TBC1D8: variants seen among roughly 807,000 people sequenced by gnomAD.
TBC1D8 encodes TBC1 domain family member 8, also known as BUB2-like protein 1.
Under a neutral mutation model 118.8 loss-of-function variants are expected in TBC1D8, and 65 were observed. That is an observed-to-expected ratio of 0.55 (90% CI 0.45 to 0.67). The LOEUF is 0.67. TBC1D8 is among the 30% of genes least tolerant of loss of function. TBC1D8 has a pLI of 0.00. For missense variants in TBC1D8, 1,376 were observed against 1,471.2 expected (o/e 0.94, Z 1.06); for synonymous variants, 566 against 595.8 (o/e 0.95, Z 0.73).
chr2:101,042,409 A>T (rs1284107400), intron 5 of TBC1D8, among the ~76,000 whole-genome samples: 1 of 152,202 alleles, frequency 6.6e-6, no homozygotes, highest in African/African-American at 2.4e-5. Flanking sequence ...GCACTTGCTT[A>T]AAGTCAGGAA....
chr2:101,099,940 G>T (rs1676720278), intron 1 of TBC1D8, among the ~76,000 whole-genome samples: 1 of 152,126 alleles, frequency 6.6e-6, no homozygotes, highest in African/African-American at 2.4e-5. Context: ...CATTTCCATT[G>T]AAAACCAGTA....
At chr2:101,027,994 C>T in intron 14 of TBC1D8, 54 bp downstream of exon 14, 1 of 1,542,266 alleles carries the variant, frequency 6.5e-7, no homozygotes, top group Admixed American at 1.7e-5. Context: ...GATGCGCACT[C>T]CCAGGTTGGC....
intron 1 of TBC1D8, among the ~76,000 whole-genome samples, chr2:101,112,405 G>T (rs992785016): frequency 3.3e-5 from 5 of 152,154 alleles, no homozygotes; most frequent in African/African-American, 9.7e-5. Flanking sequence ...TTCATTTCTC[G>T]TCGTGAACAG....
At chr2:101,113,936 G>A (rs1293182919) in intron 1 of TBC1D8, among the ~76,000 whole-genome samples, 4 of 152,198 alleles carry the variant, frequency 2.6e-5, no homozygotes, top group East Asian at 1.9e-4. Context: ...CAAGCTACAT[G>A]CATTTCAAGA....
At chr2:101,118,661 C>G (rs1482915115) in intron 1 of TBC1D8, among the ~76,000 whole-genome samples, 2 of 143,450 alleles carry the variant, frequency 1.4e-5, no homozygotes, top group Non-Finnish European at 3.0e-5. Context: ...GGCGCCACTG[C>G]ACTCCAGTCT....
At chr2:101,145,735 A>G (rs1009605946) in intron 1 of TBC1D8, among the ~76,000 whole-genome samples, 1 of 152,208 alleles carries the variant, frequency 6.6e-6, no homozygotes, top group African/African-American at 2.4e-5. Context: ...CACACTCAAC[A>G]TTTGAAACAA....
chr2:101,076,628 T>C (rs915514843), intron 2 of TBC1D8, among the ~76,000 whole-genome samples: 1 of 152,290 alleles, frequency 6.6e-6, no homozygotes, highest in Admixed American at 6.5e-5. Flanking sequence ...TTGGCCCAAC[T>C]TCTTCAACAG....
chr2:101,027,560 C>G, intron 14 of TBC1D8, 109 bp from the exon 15 acceptor site: 1 of 895,716 alleles, frequency 1.1e-6, no homozygotes, highest in South Asian at 1.4e-5. Context: ...GCCCATGCAC[C>G]AGCTTCTCTC....
At chr2:101,029,809 G>C in intron 11 of TBC1D8, 33 bp from the exon 12 acceptor site, 10 of 1,598,932 alleles carry the variant, frequency 6.3e-6, no homozygotes, top group Non-Finnish European at 8.5e-6. Context: ...CTCTGGCTGG[G>C]GTAGGACTCA....
chr2:101,069,158 C>T (rs10182072), intron 2 of TBC1D8, among the ~76,000 whole-genome samples: 18,788 of 151,490 alleles, frequency 0.12, 1,330 homozygotes, highest in Non-Finnish European at 0.16. Context: ...ATTAGCTGGG[C>T]GTGGTGGCAG....
intron 2 of TBC1D8, among the ~76,000 whole-genome samples, chr2:101,086,879 GC>G (rs1013831786): frequency 6.6e-6 from 1 of 152,138 alleles, no homozygotes; most frequent in African/African-American, 2.4e-5. Context: ...TCCCTCCTGG[GC>G]TCAAGCGATT....
rs1678802526 is a variant in TBC1D8, at chr2:101,007,388, A to C, written c.*433T>G. The C allele has an allele frequency of 1.2e-5, 2 of 160,632 alleles. No homozygotes were observed. The highest frequency in any genetic ancestry group is 4.8e-5 in the African/African-American group (2 of 41,616). 10.0% of individuals were successfully genotyped at this position (160,632 alleles called of 1,614,324 possible). A position where few individuals can be genotyped will look rare whatever the true frequency, so the allele number is the denominator to read the frequency against. On this transcript the variant is annotated 3_prime_UTR_variant, in exon 20 of 20. Coordinates refer to ENST00000409318, the MANE Select transcript of TBC1D8 (RefSeq NM_001330348.2). ...GAAACAGTGCAAAAAAAAGCCAAAT[A>C]CAATTGCACAGATAGTGGACTCCCT...
At chr2:101,036,962 C>T (rs1444175207) in intron 8 of TBC1D8, among the ~76,000 whole-genome samples, 2 of 152,192 alleles carry the variant, frequency 1.3e-5, no homozygotes, top group African/African-American at 4.8e-5. Flanking sequence ...AAAATAAGCT[C>T]GGGTTAACAG....
chr2:101,149,870 C>CA (rs1166805402), intron 1 of TBC1D8, among the ~76,000 whole-genome samples: 2 of 152,166 alleles, frequency 1.3e-5, no homozygotes, highest in South Asian at 2.1e-4. Flanking sequence ...CCAAGTTGCC[C>CA]AAGTTGAGTC....
At chr2:101,135,893 G>GTA (rs1191998305) in intron 1 of TBC1D8, among the ~76,000 whole-genome samples, 1 of 151,918 alleles carries the variant, frequency 6.6e-6, no homozygotes, top group East Asian at 1.9e-4. Flanking sequence ...TTTGGTTTTT[G>GTA]TGTTTTTGAG....
In TBC1D8 at chr2:101,040,337, CCTGAAGAAAG is replaced by C. The variant is rs1681305842; in HGVS notation, c.911_920del (p.Ala304GlyfsTer56). Reference sequence around the variant, plus strand: ...CGTGCAGCTTCTCCTTCCTCGGCAACCTGAAGAAAGCCCGGAAGAACTCATTCTGTGCTCT... The same window carrying C: ...CGTGCAGCTTCTCCTTCCTCGGCAACCCCGGAAGAACTCATTCTGTGCTCT... On this transcript the variant is annotated frameshift_variant, in exon 6 of 20. Transcript: ENST00000409318. LOFTEE classifies it high-confidence loss of function. 1 of 1,613,026 alleles carries C rather than the reference CCTGAAGAAAG, an allele frequency of 6.2e-7. No individual in the cohort carries two copies. The highest frequency in any genetic ancestry group is 1.7e-5 in the Admixed American group (1 of 59,846).
intron 2 of TBC1D8, among the ~76,000 whole-genome samples, chr2:101,089,308 C>T (rs1470106868): frequency 6.6e-6 from 1 of 151,884 alleles, no homozygotes; most frequent in Non-Finnish European, 1.5e-5. Context: ...AAAACCACCA[C>T]GTATATATGC....
intron 1 of TBC1D8, among the ~76,000 whole-genome samples, chr2:101,133,781 G>A (rs986395790): frequency 2.0e-5 from 3 of 152,110 alleles, no homozygotes; most frequent in Admixed American, 6.6e-5. Flanking sequence ...CCTGAGACTG[G>A]GCAATTAATA....
At position 101,021,682 on chromosome 2, in the gene TBC1D8, T is replaced by C. The variant is rs1680037208; in HGVS notation, c.2826A>G (p.Pro942=). The C allele has an allele frequency of 6.3e-7, 1 of 1,595,648 alleles. No individual in the cohort carries two copies. Among genetic ancestry groups the C allele is most frequent in the Non-Finnish European group, 8.6e-7 (1 of 1,166,476 alleles). ...ATTTTGCTACTTGGACTTTCTTACCTGGAGGGATATGAAGCCTGTATAATA... is the reference window on the plus strand; with the variant it reads ...ATTTTGCTACTTGGACTTTCTTACCCGGAGGGATATGAAGCCTGTATAATA... ...IKLLYRLHIP[P]ALTENDRDSQ... The change falls in exon 17 of 20, where the codon CCA becomes CCG. Residue 942 remains proline, a splice_region_variant and synonymous_variant. Transcript: ENST00000409318.
Sources: gnomAD v4.1 joint callset for allele counts (sites outside exome capture counted in the v4.1 genomes callset) on GRCh38, gnomAD v4.1.1 for gene constraint, MANE v1.5 for transcripts, NCBI Gene and HGNC (gene_info 2026-07-23, HGNC 2026-07-21) for gene names.